Variants in DSG3 observed in about 807,000 individuals in gnomAD.
DSG3 encodes the protein desmoglein 3, also known as desmoglein-3.
DSG3 carries 63 observed loss-of-function variants against 85.9 expected under a neutral mutation model. The ratio of observed to expected loss-of-function variants is 0.73; its 90% CI spans 0.60 to 0.90. The LOEUF (loss-of-function observed/expected upper bound fraction) is 0.90, where lower values mean the gene tolerates loss of function less well. Among genes scored for constraint, DSG3 ranks in the 40% least tolerant of loss-of-function variants. The pLI, the probability that DSG3 is intolerant of heterozygous loss-of-function variation, is 0.00. For missense variants in DSG3, 1,220 were observed against 1,219.9 expected, an observed-to-expected ratio of 1.00 and a Z score of 0.00; for synonymous variants, 447 against 441.9, an observed-to-expected ratio of 1.01 and a Z score of -0.14.
chr18:31,464,187 TTA>T lies in DSG3; in HGVS notation c.1078_1079del (p.Ile360LeufsTer38). 1 of 1,614,124 alleles carries T rather than the reference TTA, an allele frequency of 6.2e-7. No individual in the cohort carries two copies. Among genetic ancestry groups the T allele is most frequent in the Non-Finnish European group, 8.5e-7 (1 of 1,179,994 alleles). ...AACAAAGCTGAATTTCACCAATCAGTTATCTCTCGATACCGAGTTCAGTCAAC... is the reference window on the plus strand; with the variant it reads ...AACAAAGCTGAATTTCACCAATCAGTTCTCTCGATACCGAGTTCAGTCAAC... On this transcript the variant is annotated frameshift_variant, in exon 9 of 16. Coordinates refer to ENST00000257189, the MANE Select transcript of DSG3 (RefSeq NM_001944.3). LOFTEE classifies it high-confidence loss of function.
At position 31,476,391 on chromosome 18, in the gene DSG3, C is replaced by G. The variant is rs546432558; in HGVS notation, c.*131C>G. ...ATTAGCTTCTCTCATAAACTGATCA[C>G]GATTATAAATTAAATGTTTGGGTTC... On this transcript the variant is annotated 3_prime_UTR_variant, in exon 16 of 16. Transcript: ENST00000257189. The G allele has an allele frequency of 3.8e-5, 41 of 1,065,408 alleles. No homozygotes were observed. In the African/African-American group the frequency reaches 5.5e-4, roughly 14 times the overall value. 66.0% of individuals were successfully genotyped at this position (1,065,408 alleles called of 1,614,324 possible).
At chr18:31,472,209 T>G in intron 12 of DSG3, 75 bp from the exon 13 acceptor site, 1 of 1,596,384 alleles carries the variant, frequency 6.3e-7, no homozygotes, top group Non-Finnish European at 8.5e-7. Flanking sequence ...CTTTGTAACA[T>G]TTCTGAAAAA....
At chr18:31,460,235 G>T (rs1169394700) in intron 6 of DSG3, among the ~76,000 whole-genome samples, 1 of 152,186 alleles carries the variant, frequency 6.6e-6, no homozygotes, top group East Asian at 1.9e-4. Context: ...CATACCAGTG[G>T]AAGTTAAATA....
rs189575655 is a variant in DSG3 at position 31,462,639 on chromosome 18, C to G, written c.999+1227C>G. Among the ~76,000 whole-genome samples the G allele has an allele frequency of 2.6e-3, 389 of 152,182 alleles. 2 individuals carry two copies. The highest frequency in any genetic ancestry group is 6.0e-3 in the South Asian group (29 of 4,812). On this transcript the variant is annotated intron_variant, in intron 8 of 15. Coordinates refer to ENST00000257189, the MANE Select transcript of DSG3 (RefSeq NM_001944.3). ...CCCAAACTAGAAACGTGGGCCTTAC[C>G]CTGAATTGTGACATTTCCTCACAGC... is the stretch of plus-strand genomic sequence containing the variant.
chr18:31,462,809 T>A (rs1049578821), intron 8 of DSG3, among the ~76,000 whole-genome samples: 9 of 152,182 alleles, frequency 5.9e-5, no homozygotes, highest in Non-Finnish European at 1.0e-4. Flanking sequence ...ATTGACTTTG[T>A]TCTCCTCATT....
In DSG3 at chr18:31,469,228, G is replaced by A; in HGVS notation, c.1776G>A (p.Arg592=). 1.2e-6 allele frequency: 2 copies of A among 1,614,178 alleles called. No individual in the cohort carries two copies. The highest frequency in any genetic ancestry group is 1.1e-5 in the South Asian group (1 of 91,080). ...LTLEVCQCDN[R]GICGTSYPTT... is the part of the protein sequence containing the mutation. ...TGGAAGTCTGTCAGTGTGACAACAGGGGCATCTGTGGAACTTCTTACCCAA... is the reference window on the plus strand; with the variant it reads ...TGGAAGTCTGTCAGTGTGACAACAGAGGCATCTGTGGAACTTCTTACCCAA... The change falls in exon 12 of 16, where the codon AGG becomes AGA. Residue 592 remains arginine, a synonymous_variant. Coordinates refer to ENST00000257189, the MANE Select transcript of DSG3 (RefSeq NM_001944.3).
In DSG3 at chr18:31,477,393, T is replaced by C. The variant is rs1328439473; in HGVS notation, c.*1133T>C. On this transcript the variant is annotated 3_prime_UTR_variant, in exon 16 of 16. Transcript: ENST00000257189. ...ATATGATGTATAATGACGTGTATTA[T>C]GTTAACAATGTCTGCAGATTTTGTA... is the stretch of plus-strand genomic sequence containing the variant. The C allele has an allele frequency of 1.3e-5, 2 of 152,256 alleles. No homozygotes were observed. Among genetic ancestry groups the C allele is most frequent in the African/African-American group, 4.8e-5 (2 of 41,472 alleles). The allele number at this position is 152,256 out of a possible 1,614,324, so 9.4% of individuals were successfully genotyped here. A position where few individuals can be genotyped will look rare whatever the true frequency, so the allele number is the denominator to read the frequency against.
chr18:31,469,073 G>T lies in DSG3; in HGVS notation c.1637-16G>T. 6.2e-7 allele frequency: 1 copy of T among 1,610,398 alleles called. No individual in the cohort carries two copies. The highest frequency in any genetic ancestry group is 1.1e-5 in the South Asian group (1 of 91,000). On this transcript the variant is annotated splice_polypyrimidine_tract_variant and intron_variant, in intron 11 of 15. Coordinates refer to ENST00000257189, the MANE Select transcript of DSG3 (RefSeq NM_001944.3). ...ACTTCGTCCTACTGTTGATTTGCAT[G>T]ATTCTTTCTCTACAGCTACCTCGGC...
At chr18:31,474,953 C>T (rs1176817545) in intron 15 of DSG3, among the ~76,000 whole-genome samples, 3 of 151,970 alleles carry the variant, frequency 2.0e-5, no homozygotes, top group Non-Finnish European at 4.4e-5. Context: ...TATCCAAATA[C>T]CTGTGTGTAT....
At position 31,472,489 on chromosome 18, in the gene DSG3, A is replaced by T; in HGVS notation, c.2037+66A>T. On this transcript the variant is annotated intron_variant, in intron 13 of 15. Transcript: ENST00000257189. Reference sequence around the variant, plus strand: ...GAGAAAATGTTTGATTTACATTGAGATAGGAAAAGAGGCAAAGAGATTTCT... The same window carrying T: ...GAGAAAATGTTTGATTTACATTGAGTTAGGAAAAGAGGCAAAGAGATTTCT... The T allele has an allele frequency of 6.5e-6, 10 of 1,541,516 alleles. No homozygotes were observed. The South Asian group carries it at 1.2e-4, about 19-fold the overall frequency.
At chr18:31,454,950 A>G (rs1232358328) in intron 1 of DSG3, among the ~76,000 whole-genome samples, 1 of 151,286 alleles carries the variant, frequency 6.6e-6, no homozygotes, top group Non-Finnish European at 1.5e-5. Flanking sequence ...TTGAGTCAAG[A>G]TCGCACCATT....
chr18:31,470,047 G>A (rs550519041), intron 12 of DSG3, among the ~76,000 whole-genome samples: 10 of 152,006 alleles, frequency 6.6e-5, no homozygotes, highest in Admixed American at 2.6e-4. Flanking sequence ...TCCAATAAAG[G>A]TAAAATTTAT....
At chr18:31,457,895 C>T (rs2144267701) in intron 3 of DSG3, among the ~76,000 whole-genome samples, 2 of 152,138 alleles carry the variant, frequency 1.3e-5, no homozygotes, top group Non-Finnish European at 2.9e-5. Context: ...TCCCAAAGTG[C>T]TTGGATTACA....
At chr18:31,470,204 T>A (rs1368679630) in intron 12 of DSG3, among the ~76,000 whole-genome samples, 2 of 152,144 alleles carry the variant, frequency 1.3e-5, no homozygotes, top group African/African-American at 4.8e-5. Flanking sequence ...CACACTTTCT[T>A]AATTTATTAT....
chr18:31,463,161 A>G (rs1448164630), intron 8 of DSG3, among the ~76,000 whole-genome samples: 2 of 152,162 alleles, frequency 1.3e-5, no homozygotes, highest in Non-Finnish European at 2.9e-5. Flanking sequence ...TTCAACACTC[A>G]GCTTAGATGA....
chr18:31,457,581 CTTTCTTCTT>C (rs1361406783), intron 3 of DSG3, among the ~76,000 whole-genome samples: 1 of 80,626 alleles, frequency 1.2e-5, no homozygotes, highest in Admixed American at 1.4e-4. Flanking sequence ...TTCTTTCTTT[CTTTCTTCTT>C]TCTTTCTTTC....
At chr18:31,474,099 G>T (rs545383888) in intron 14 of DSG3, 22 bp from the exon 15 acceptor site, 2 of 1,599,602 alleles carry the variant, frequency 1.3e-6, no homozygotes, top group African/African-American at 2.7e-5. Context: ...AGATATTACA[G>T]AATGTTCTCC....
In DSG3 at chr18:31,476,247, C is replaced by T; in HGVS notation, c.2987C>T (p.Ser996Phe). 2 of 1,609,596 alleles carry T rather than the reference C, an allele frequency of 1.2e-6. No homozygotes were observed. The highest frequency in any genetic ancestry group is 8.5e-7 in the Non-Finnish European group (1 of 1,177,472). ...HTMLCTEDPC[S>F]RLI ...ATGCTCTGTACAGAGGATCCTTGCTCCCGTCTAATATGACCAGAATGAGCT... is the reference window on the plus strand; with the variant it reads ...ATGCTCTGTACAGAGGATCCTTGCTTCCGTCTAATATGACCAGAATGAGCT... Residue 996 changes from serine to phenylalanine, a missense_variant, in exon 16 of 16, where the codon TCC becomes TTC. Transcript: ENST00000257189.
Position 31,476,250 on chromosome 18 carries a change from G to T in DSG3, c.2990G>T (p.Arg997Leu). The change falls in exon 16 of 16, where the codon CGT (arginine) becomes CTT (leucine). Residue 997 changes from arginine (R) to leucine (L), a missense_variant. Transcript: ENST00000257189. ...TMLCTEDPCSRLI is the reference protein window; with the variant it reads ...TMLCTEDPCSLLI Reference sequence around the variant, plus strand: ...CTCTGTACAGAGGATCCTTGCTCCCGTCTAATATGACCAGAATGAGCTGGA... The same window carrying T: ...CTCTGTACAGAGGATCCTTGCTCCCTTCTAATATGACCAGAATGAGCTGGA... 2 of 1,607,254 alleles carry T rather than the reference G, an allele frequency of 1.2e-6. No homozygotes were observed. The highest frequency in any genetic ancestry group is 1.7e-6 in the Non-Finnish European group (2 of 1,176,226).
Sources: gnomAD v4.1 joint callset for allele counts (sites outside exome capture counted in the v4.1 genomes callset) on GRCh38, gnomAD v4.1.1 for gene constraint, MANE v1.5 for transcripts, NCBI Gene and HGNC (gene_info 2026-07-23, HGNC 2026-07-21) for gene names.